LMF1: variants seen among roughly 807,000 people sequenced by gnomAD.
LMF1 encodes the protein transmembrane protein 112.
A neutral mutation model predicts 60.6 loss-of-function variants in LMF1; 68 were observed. That is an observed-to-expected ratio of 1.12 (90% CI 0.92 to 1.37). The LOEUF is 1.37. LMF1 is among the 40% of genes most tolerant of loss of function. LMF1 has a pLI of 0.00. For missense variants in LMF1, 948 were observed against 767.2 expected (o/e 1.24, Z -2.78); for synonymous variants, 418 against 324.7 (o/e 1.29, Z -3.09).
chr16:878,587 G>A lies in LMF1; in HGVS notation c.897+983C>T, dbSNP rs2070063767. 6.6e-6 allele frequency among the ~76,000 whole-genome samples: 1 copy of A among 152,242 alleles called. No individual in the cohort carries two copies. The highest frequency in any genetic ancestry group is 1.5e-5 in the Non-Finnish European group (1 of 68,046). On this transcript the variant is annotated intron_variant, in intron 6 of 10. Coordinates refer to ENST00000262301, the MANE Select transcript of LMF1 (RefSeq NM_022773.4). The surrounding 1 kb of genome is among the most constrained non-coding windows in gnomAD (Gnocchi z 5.2). ...TACCACACGTGCACAGACGGGACGGGTGAACCGACCGCAGGCACGCACCGT... is the reference window on the plus strand; with the variant it reads ...TACCACACGTGCACAGACGGGACGGATGAACCGACCGCAGGCACGCACCGT...
intron 5 of LMF1, among the ~76,000 whole-genome samples, chr16:891,949 G>A (rs916296145): frequency 6.6e-6 from 1 of 152,190 alleles, no homozygotes; most frequent in African/African-American, 2.4e-5. Flanking sequence ...ACCTGCTCTC[G>A]GACAAAGAGA....
chr16:968,099 C>A (rs1180668713), intron 1 of LMF1, among the ~76,000 whole-genome samples: 1 of 152,214 alleles, frequency 6.6e-6, no homozygotes, highest in Non-Finnish European at 1.5e-5. Context: ...TGAGCACACC[C>A]CTAGCACCTA....
intron 5 of LMF1, among the ~76,000 whole-genome samples, chr16:890,865 G>C (rs1339783374): frequency 6.6e-6 from 1 of 151,054 alleles, no homozygotes; most frequent in Non-Finnish European, 1.5e-5. Context: ...ACCCTCCGGT[G>C]GCAGTGACAC....
chr16:976,356 G>C (rs1567348475), intron 1 of LMF1: 2 of 454,134 alleles, frequency 4.4e-6, no homozygotes, highest in Admixed American at 2.3e-5. Flanking sequence ...TGTAGTCCAG[G>C]TGTCTGGCGT....
At chr16:948,608 A>C (rs2072321297) in intron 2 of LMF1, among the ~76,000 whole-genome samples, 1 of 135,742 alleles carries the variant, frequency 7.4e-6, no homozygotes, top group Admixed American at 7.2e-5. Context: ...AATCAAAGAC[A>C]ATGACAGAGT....
At chr16:973,114 A>G (rs1474624353), upstream of LMF1, among the ~76,000 whole-genome samples, 1 of 152,038 alleles carries the variant, frequency 6.6e-6, no homozygotes, top group East Asian at 1.9e-4. Flanking sequence ...AGGCCGAGGC[A>G]GGTGGATCAC....
rs902367216 is a variant in LMF1 at position 914,109 on chromosome 16, G to C, written c.515-3030C>G. Reference sequence around the variant, plus strand: ...CACGCACGGTCTTCTGAGGCCCTACGAGATGCTGAGCCCTGGGGACAGGGA... The same window carrying C: ...CACGCACGGTCTTCTGAGGCCCTACCAGATGCTGAGCCCTGGGGACAGGGA... On this transcript the variant is annotated intron_variant, in intron 3 of 10. Coordinates refer to ENST00000262301, the MANE Select transcript of LMF1 (RefSeq NM_022773.4). 3.3e-5 allele frequency among the ~76,000 whole-genome samples: 5 copies of C among 152,124 alleles called. No individual in the cohort carries two copies. In the East Asian group the frequency reaches 7.8e-4, roughly 24 times the overall value.
chr16:958,021 T>C (rs541345296), intron 1 of LMF1, among the ~76,000 whole-genome samples: 6 of 152,340 alleles, frequency 3.9e-5, no homozygotes, highest in African/African-American at 1.4e-4. Flanking sequence ...GTAACAATCA[T>C]GTTGGAACAG....
At chr16:965,484 A>C (rs2072905858) in intron 1 of LMF1, among the ~76,000 whole-genome samples, 2 of 152,234 alleles carry the variant, frequency 1.3e-5, no homozygotes, top group South Asian at 4.1e-4. Flanking sequence ...ACAGAGAGCA[A>C]AGGTGGAGAG....
Position 854,328 on chromosome 16 carries a change from G to C in LMF1, c.*204C>G. On this transcript the variant is annotated 3_prime_UTR_variant, in exon 11 of 11. Coordinates refer to ENST00000262301, the MANE Select transcript of LMF1 (RefSeq NM_022773.4). ...CTGGGACAAGGGTTGGCCTGGATGT[G>C]GGGCCCCAGGTGGGCAGGGCCTGGG... The C allele has an allele frequency of 1.4e-6, 1 of 710,566 alleles. No homozygotes were observed. The highest frequency in any genetic ancestry group is 2.5e-6 in the Non-Finnish European group (1 of 396,468). 44.0% of individuals were successfully genotyped at this position (710,566 alleles called of 1,614,324 possible).
intron 3 of LMF1, 74 bp downstream of exon 3, chr16:934,170 A>T: frequency 1.3e-6 from 2 of 1,598,352 alleles, no homozygotes; most frequent in Non-Finnish European, 1.7e-6. Flanking sequence ...AGGCCAGGAA[A>T]AGTGCGTGAA....
chr16:897,103 CT>C lies in LMF1; in HGVS notation c.664-4032del, dbSNP rs2151736730. Among the ~76,000 whole-genome samples, 1 of 152,348 alleles carries C rather than the reference CT, an allele frequency of 6.6e-6. No individual in the cohort carries two copies. Among genetic ancestry groups the C allele is most frequent in the South Asian group, 2.1e-4 (1 of 4,828 alleles). ...TCCCGCTCTGCTCGGAATGCCAGAA[CT>C]TTCCAGGCCCATCGACGATGTTCCC... On this transcript the variant is annotated intron_variant, in intron 4 of 10. Transcript: ENST00000262301. This position sits in a 1 kb window ranked among gnomAD's most constrained non-coding sequence, Gnocchi z 4.3.
intron 5 of LMF1, among the ~76,000 whole-genome samples, chr16:885,698 C>T (rs888701107): frequency 6.6e-6 from 1 of 152,164 alleles, no homozygotes; most frequent in African/African-American, 2.4e-5. Context: ...CACGTATGTG[C>T]CTGATAATAG....
intron 8 of LMF1, among the ~76,000 whole-genome samples, chr16:870,509 C>T (rs1421968620): frequency 3.9e-5 from 6 of 152,232 alleles, no homozygotes; most frequent in African/African-American, 1.2e-4. Context: ...CTGGTGACCT[C>T]GGGCCCTGCC....
At chr16:950,387 TGACAGAGTCAGAGCCAAC>T (rs1298014699) in intron 2 of LMF1, among the ~76,000 whole-genome samples, 1 of 91,566 alleles carries the variant, frequency 1.1e-5, no homozygotes, top group Non-Finnish European at 2.0e-5. Flanking sequence ...AGTCAGCCAA[TGACAGAGTCAGAGCCAAC>T]GACAGAGTCA....
intron 1 of LMF1, chr16:978,899 G>A (rs2073254608): frequency 4.5e-6 from 2 of 440,026 alleles, no homozygotes; most frequent in Non-Finnish European, 9.2e-6. Flanking sequence ...GCTTCCCCAG[G>A]GAACACGCTG....
intron 5 of LMF1, among the ~76,000 whole-genome samples, chr16:890,270 T>C (rs2070443836): frequency 6.6e-6 from 1 of 152,176 alleles, no homozygotes; most frequent in Admixed American, 6.5e-5. Flanking sequence ...AGGTACTCGC[T>C]CCTGGAGCCC....
chr16:919,519 A>C (rs2151764734), intron 3 of LMF1, among the ~76,000 whole-genome samples: 1 of 67,388 alleles, frequency 1.5e-5, no homozygotes, highest in African/African-American at 1.2e-4. Flanking sequence ...GGCCCCACAG[A>C]CAAGGGGCCC....
chr16:921,185 G>C (rs1214473984), intron 3 of LMF1: 1 of 152,274 alleles, frequency 6.6e-6, no homozygotes, highest in East Asian at 1.9e-4. Context: ...TGTGAGTCAA[G>C]CGCCTTGGAG....
Sources: gnomAD v4.1 joint callset for allele counts (sites outside exome capture counted in the v4.1 genomes callset) on GRCh38, gnomAD v4.1.1 for gene constraint, Gnocchi (gnomAD v3.1) non-coding constraint, MANE v1.5 for transcripts, NCBI Gene and HGNC (gene_info 2026-07-23, HGNC 2026-07-21) for gene names.